Variants in L3MBTL4 observed in about 807,000 individuals in gnomAD.
The protein encoded by L3MBTL4 is L3MBTL histone methyl-lysine binding protein 4, also known as lethal(3)malignant brain tumor-like protein 4.
In L3MBTL4, 70 loss-of-function variants were observed where a neutral mutation model predicts 84.5. That is an observed-to-expected ratio of 0.83 (90% CI 0.68 to 1.01). The LOEUF is 1.01. Ranked by LOEUF, L3MBTL4 falls within the 50% of genes least tolerant of loss-of-function variation. The probability of loss-of-function intolerance (pLI) is 0.00; values close to 1 mark genes in which losing one functional copy is unlikely to be tolerated. For synonymous variants in L3MBTL4, 274 were observed against 259.8 expected (o/e 1.05, Z -0.52); for missense variants, 715 against 754.8 (o/e 0.95, Z 0.62).
At chr18:6,155,147 G>C (rs1033852935) in intron 13 of L3MBTL4, among the ~76,000 whole-genome samples, 2 of 152,156 alleles carry the variant, frequency 1.3e-5, no homozygotes, top group African/African-American at 4.8e-5. Context: ...TTGGAGAAGA[G>C]GTTTGGTAAT....
intron 16 of L3MBTL4, chr18:6,029,328 T>A: frequency 2.2e-6 from 1 of 448,180 alleles, no homozygotes. Flanking sequence ...GTAATTAAGA[T>A]ATTTCAGTTC....
intron 1 of L3MBTL4, chr18:6,356,621 C>G (rs2053458622): frequency 2.0e-5 from 3 of 152,176 alleles, no homozygotes; most frequent in Admixed American, 2.0e-4. Flanking sequence ...AAGTATTTCT[C>G]TAAATATAGA....
intron 16 of L3MBTL4, among the ~76,000 whole-genome samples, chr18:5,997,502 C>T (rs566695142): frequency 7.2e-5 from 11 of 152,282 alleles, no homozygotes; most frequent in African/African-American, 2.2e-4. Flanking sequence ...GCATAAGTGA[C>T]TATCCCTCTA....
Position 6,265,424 on chromosome 18 carries a change from A to G in L3MBTL4, c.128-1386T>C, listed in dbSNP as rs578220017. Among the ~76,000 whole-genome samples the G allele has an allele frequency of 4.6e-5, 7 of 152,348 alleles. 1 individual carries two copies. The highest frequency in any genetic ancestry group is 1.7e-4 in the African/African-American group (7 of 41,590). ...ATACTAAGAGAGTAGTTAAGCACTG[A>G]TAAAAGTTGATGGTAAAAATGTACA... On this transcript the variant is annotated intron_variant, in intron 4 of 18. Coordinates refer to ENST00000317931, the MANE Select transcript of L3MBTL4 (RefSeq NM_001330559.2).
intron 10 of L3MBTL4, among the ~76,000 whole-genome samples, chr18:6,224,968 T>G (rs1181972103): frequency 6.6e-6 from 1 of 151,932 alleles, no homozygotes; most frequent in East Asian, 1.9e-4. Context: ...GAGGAAGATT[T>G]AAACCAAAAA....
intron 1 of L3MBTL4, among the ~76,000 whole-genome samples, chr18:6,344,550 T>C (rs938349653): frequency 2.0e-5 from 3 of 152,140 alleles, no homozygotes; most frequent in African/African-American, 7.2e-5. Flanking sequence ...GAAGCCAGCA[T>C]TACCCTGATA....
At chr18:6,167,687 A>G (rs920814432) in intron 13 of L3MBTL4, among the ~76,000 whole-genome samples, 1 of 152,202 alleles carries the variant, frequency 6.6e-6, no homozygotes, top group Non-Finnish European at 1.5e-5. Flanking sequence ...TCAAAATAAT[A>G]AGAGCTATCT....
intron 11 of L3MBTL4, among the ~76,000 whole-genome samples, 172 bp downstream of exon 11, chr18:6,215,578 G>A (rs1347854343): frequency 1.3e-5 from 2 of 152,186 alleles, no homozygotes; most frequent in East Asian, 3.8e-4. Context: ...GGGAACAATA[G>A]CAGATGAGTC....
At chr18:6,069,739 G>A (rs936235830) in intron 16 of L3MBTL4, among the ~76,000 whole-genome samples, 11 of 152,260 alleles carry the variant, frequency 7.2e-5, no homozygotes, top group African/African-American at 1.2e-4. Flanking sequence ...TGCAGTTGGC[G>A]AGGCTGATAT....
intron 12 of L3MBTL4, among the ~76,000 whole-genome samples, chr18:6,189,593 A>C (rs914952609): frequency 5.9e-5 from 9 of 152,262 alleles, no homozygotes; most frequent in African/African-American, 1.9e-4. Context: ...CAGATGTTAA[A>C]ACTAGCAAAA....
intron 12 of L3MBTL4, among the ~76,000 whole-genome samples, chr18:6,178,905 G>A (rs1242822742): frequency 6.6e-6 from 1 of 152,064 alleles, no homozygotes; most frequent in Non-Finnish European, 1.5e-5. Context: ...CCCCTTAAAT[G>A]TACCCCAACG....
intron 16 of L3MBTL4, among the ~76,000 whole-genome samples, chr18:6,059,179 A>T (rs1480953372): frequency 1.3e-5 from 2 of 152,178 alleles, no homozygotes; most frequent in African/African-American, 4.8e-5. Context: ...GGAGAAGAGG[A>T]TGTGTCAGAG....
intron 1 of L3MBTL4, among the ~76,000 whole-genome samples, chr18:6,344,256 C>G (rs548859949): frequency 6.6e-5 from 10 of 152,164 alleles, no homozygotes; most frequent in African/African-American, 2.2e-4. Context: ...GATCATAACA[C>G]TACTATGAAC....
At chr18:6,081,634 T>C (rs1410134180) in intron 15 of L3MBTL4, among the ~76,000 whole-genome samples, 3 of 152,222 alleles carry the variant, frequency 2.0e-5, no homozygotes, top group South Asian at 4.1e-4. Context: ...GCTTTGCACA[T>C]GTATTTTCTT....
intron 16 of L3MBTL4, among the ~76,000 whole-genome samples, chr18:6,043,427 C>T (rs931917647): frequency 2.6e-5 from 4 of 152,190 alleles, no homozygotes; most frequent in African/African-American, 4.8e-5. Context: ...TGCTGCTCTC[C>T]GTGCTAGGCT....
At chr18:6,018,692 T>C (rs1383012073) in intron 16 of L3MBTL4, among the ~76,000 whole-genome samples, 1 of 152,236 alleles carries the variant, frequency 6.6e-6, no homozygotes, top group Admixed American at 6.5e-5. Flanking sequence ...AAATGACTTC[T>C]GAATATCTAA....
rs147377946 is a variant in L3MBTL4, at chr18:6,127,207, C to T, written c.1199+10987G>A. Among the ~76,000 whole-genome samples the T allele has an allele frequency of 3.9e-4, 60 of 152,308 alleles. No individual in the cohort carries two copies. In the East Asian group the frequency reaches 9.3e-3, roughly 24 times the overall value. On this transcript the variant is annotated intron_variant, in intron 14 of 18. Coordinates refer to ENST00000317931, the MANE Select transcript of L3MBTL4 (RefSeq NM_001330559.2). ...TTCTATATCAAGCTTGTCCAACTTG[C>T]GGCCCATGGGCTGCATGTGGCCTAG...
chr18:6,341,756 T>C (rs546888605), intron 1 of L3MBTL4, among the ~76,000 whole-genome samples: 83 of 151,804 alleles, frequency 5.5e-4, no homozygotes, highest in African/African-American at 1.9e-3. Context: ...ACTTCCCAAA[T>C]CTTGGAGGGA....
chr18:6,244,330 A>G (rs1274667458), intron 6 of L3MBTL4, among the ~76,000 whole-genome samples, 154 bp downstream of exon 6: 4 of 152,210 alleles, frequency 2.6e-5, no homozygotes, highest in Non-Finnish European at 1.5e-5. Flanking sequence ...AAAAAAATTC[A>G]CTAAGAAACA....
Sources: gnomAD v4.1 joint callset for allele counts (sites outside exome capture counted in the v4.1 genomes callset) on GRCh38, gnomAD v4.1.1 for gene constraint, MANE v1.5 for transcripts, NCBI Gene and HGNC (gene_info 2026-07-23, HGNC 2026-07-21) for gene names.